MAN2A1: variants seen among roughly 807,000 people sequenced by gnomAD.
MAN2A1 encodes the protein mannosidase alpha class 2A member 1, also known as alpha-mannosidase 2.
In MAN2A1, 76 loss-of-function variants were observed where a neutral mutation model predicts 142.6. The observed-to-expected ratio is 0.53, with a 90% CI of 0.44 to 0.65. The LOEUF (loss-of-function observed/expected upper bound fraction) is 0.65. Among genes scored for constraint, MAN2A1 ranks in the 30% least tolerant of loss-of-function variants. The pLI, the probability that MAN2A1 is intolerant of heterozygous loss-of-function variation, is 0.00. For missense variants in MAN2A1, 1,311 were observed against 1,365.1 expected, an observed-to-expected ratio of 0.96 and a Z score of 0.62; for synonymous variants, 559 against 473.2, an observed-to-expected ratio of 1.18 and a Z score of -2.35.
At chr5:109,692,486 G>A (rs1750698948) in intron 1 of MAN2A1, among the ~76,000 whole-genome samples, 1 of 152,188 alleles carries the variant, frequency 6.6e-6, no homozygotes, top group Non-Finnish European at 1.5e-5. Context: ...ACCGTTATGT[G>A]TGTGACATTA....
At chr5:109,758,969 G>C (rs560063649) in intron 5 of MAN2A1, among the ~76,000 whole-genome samples, 1 of 151,886 alleles carries the variant, frequency 6.6e-6, no homozygotes, top group Non-Finnish European at 1.5e-5. Flanking sequence ...TGCCAGTACC[G>C]TACTGTCTTG....
intron 12 of MAN2A1, among the ~76,000 whole-genome samples, chr5:109,805,412 T>A (rs1022091973): frequency 1.3e-5 from 2 of 152,238 alleles, no homozygotes; most frequent in Admixed American, 1.3e-4. Context: ...TTTTGCATTG[T>A]GAAAAGTTCC....
At chr5:109,813,726 A>G (rs1347567323) in intron 12 of MAN2A1, among the ~76,000 whole-genome samples, 1 of 152,224 alleles carries the variant, frequency 6.6e-6, no homozygotes, top group Non-Finnish European at 1.5e-5. Flanking sequence ...TCAGTATTCC[A>G]TAGTTGTCTT....
intron 9 of MAN2A1, among the ~76,000 whole-genome samples, chr5:109,784,415 T>G (rs1368796661): frequency 6.6e-6 from 1 of 152,166 alleles, no homozygotes; most frequent in Non-Finnish European, 1.5e-5. Flanking sequence ...CAGAGAAATT[T>G]ATCCAATTTT....
intron 4 of MAN2A1, among the ~76,000 whole-genome samples, chr5:109,736,527 GTTTT>G (rs971107086): frequency 5.9e-5 from 9 of 151,660 alleles, no homozygotes; most frequent in African/African-American, 2.2e-4. Flanking sequence ...TAAAAAAAAA[GTTTT>G]TTTTAGGTCT....
At chr5:109,796,747 C>T (rs931593237) in intron 12 of MAN2A1, among the ~76,000 whole-genome samples, 4 of 152,192 alleles carry the variant, frequency 2.6e-5, no homozygotes, top group Non-Finnish European at 4.4e-5. Flanking sequence ...CAATCAGGCA[C>T]AGCCACCTTG....
chr5:109,713,319 CG>C (rs776281870), intron 1 of MAN2A1, among the ~76,000 whole-genome samples, 200 bp from the exon 2 acceptor site: 1 of 152,068 alleles, frequency 6.6e-6, no homozygotes, highest in Non-Finnish European at 1.5e-5. Flanking sequence ...ATTGCAGCCG[CG>C]GAGAAGATTT....
intron 10 of MAN2A1, 110 bp downstream of exon 10, chr5:109,785,036 A>G (rs1753561471): frequency 1.4e-6 from 1 of 692,188 alleles, no homozygotes; most frequent in African/African-American, 1.8e-5. Flanking sequence ...ATTAACAATG[A>G]TATCCCTCAT....
At chr5:109,847,866 T>A in intron 19 of MAN2A1, 76 bp downstream of exon 19, 1 of 1,098,052 alleles carries the variant, frequency 9.1e-7, no homozygotes, top group Non-Finnish European at 1.2e-6. Context: ...GACTTTCCAC[T>A]TTTAAAATTT....
At chr5:109,700,281 G>GTTTTT (rs5870385) in intron 1 of MAN2A1, among the ~76,000 whole-genome samples, 2 of 131,460 alleles carry the variant, frequency 1.5e-5, no homozygotes, top group Non-Finnish European at 3.2e-5. Context: ...AGTTTTGCCG[G>GTTTTT]TTTTTTTTTT....
At chr5:109,747,727 A>C (rs1246985091) in intron 4 of MAN2A1, among the ~76,000 whole-genome samples, 1 of 152,152 alleles carries the variant, frequency 6.6e-6, no homozygotes, top group African/African-American at 2.4e-5. Flanking sequence ...GCAAGTTGAC[A>C]TGCTTTTTCT....
chr5:109,713,893 C>G, intron 2 of MAN2A1, 119 bp downstream of exon 2: 1 of 901,242 alleles, frequency 1.1e-6, no homozygotes, highest in South Asian at 1.9e-5. Context: ...TCTAGTTTCT[C>G]TTTTTGTAAA....
At chr5:109,793,817 GA>G (rs1753794865) in intron 12 of MAN2A1, among the ~76,000 whole-genome samples, 1 of 152,166 alleles carries the variant, frequency 6.6e-6, no homozygotes, top group Non-Finnish European at 1.5e-5. Context: ...ATAGCTGAAT[GA>G]ATTGGCTTTA....
chr5:109,858,114 A>C (rs1755669629), intron 20 of MAN2A1, among the ~76,000 whole-genome samples: 1 of 152,240 alleles, frequency 6.6e-6, no homozygotes, highest in African/African-American at 2.4e-5. Flanking sequence ...GATTTGACCA[A>C]GAAGATTAAA....
Position 109,755,461 on chromosome 5 carries a change from G to C in MAN2A1, c.835+5G>C. On this transcript the variant is annotated splice_donor_5th_base_variant and intron_variant, in intron 5 of 21. Transcript: ENST00000261483. ...AGTGGCTGGAAAATAATATAGGTAT[G>C]TATTGGTATATTCTTTATTTGGGCT... 1 of 1,608,344 alleles carries C rather than the reference G, an allele frequency of 6.2e-7. No individual in the cohort carries two copies.
intron 12 of MAN2A1, among the ~76,000 whole-genome samples, chr5:109,803,464 G>A (rs1419692903): frequency 6.6e-6 from 1 of 152,002 alleles, no homozygotes; most frequent in Non-Finnish European, 1.5e-5. Flanking sequence ...TGTGTGGTGA[G>A]ATTAAACTTA....
chr5:109,813,969 T>A (rs1334524201), intron 12 of MAN2A1, among the ~76,000 whole-genome samples: 1 of 152,216 alleles, frequency 6.6e-6, no homozygotes, highest in African/African-American at 2.4e-5. Context: ...ATGAATGCTT[T>A]TTCTTCATGA....
At position 109,718,923 on chromosome 5, in the gene MAN2A1, C is replaced by T. The variant is rs74553716; in HGVS notation, c.535+2659C>T. The stretch of plus-strand genomic sequence containing the variant: ...ATGAAACATTTGACTTATTCTTTGG[C>T]GTAGGCTTTTCTTTTAAGTTCCCTC... On this transcript the variant is annotated intron_variant, in intron 3 of 21. Coordinates refer to ENST00000261483, the MANE Select transcript of MAN2A1 (RefSeq NM_002372.4). 9.3e-4 allele frequency among the ~76,000 whole-genome samples: 137 copies of T among 146,912 alleles called. No homozygotes were observed. The East Asian group carries it at 0.023, about 24-fold the overall frequency.
intron 16 of MAN2A1, among the ~76,000 whole-genome samples, chr5:109,826,085 T>C (rs1754751888): frequency 6.6e-6 from 1 of 151,756 alleles, no homozygotes; most frequent in Non-Finnish European, 1.5e-5. Flanking sequence ...TTTCTATTTT[T>C]AGTAGGGATG....
Sources: gnomAD v4.1 joint callset for allele counts (sites outside exome capture counted in the v4.1 genomes callset) on GRCh38, gnomAD v4.1.1 for gene constraint, MANE v1.5 for transcripts, NCBI Gene and HGNC (gene_info 2026-07-23, HGNC 2026-07-21) for gene names.